Variants in THEMIS observed in about 807,000 individuals in gnomAD.
THEMIS encodes thymocyte selection associated.
THEMIS carries 37 observed loss-of-function variants against 52.6 expected under a neutral mutation model. That is an observed-to-expected ratio of 0.70 (90% CI 0.54 to 0.93). THEMIS has a LOEUF of 0.93. Ranked by LOEUF, THEMIS falls within the 40% of genes least tolerant of loss-of-function variation. THEMIS has a pLI of 0.00. For synonymous variants in THEMIS, 292 were observed against 272.7 expected (o/e 1.07, Z -0.70); for missense variants, 808 against 763.1 (o/e 1.06, Z -0.69).
At chr6:127,899,310 GAA>G (rs1370076433) in intron 1 of THEMIS, among the ~76,000 whole-genome samples, 1 of 151,740 alleles carries the variant, frequency 6.6e-6, no homozygotes, top group Admixed American at 6.6e-5. Context: ...AAAAAGGATT[GAA>G]AACAAGGGAT....
intron 2 of THEMIS, among the ~76,000 whole-genome samples, chr6:127,836,148 C>G (rs1345525356): frequency 2.0e-5 from 3 of 152,064 alleles, no homozygotes; most frequent in Non-Finnish European, 4.4e-5. Flanking sequence ...TACCCTCCCT[C>G]TATTTTAATG....
At chr6:127,897,728 A>G (rs1781012263) in intron 1 of THEMIS, among the ~76,000 whole-genome samples, 1 of 151,494 alleles carries the variant, frequency 6.6e-6, no homozygotes, top group Non-Finnish European at 1.5e-5. Flanking sequence ...CTTGCTTTTC[A>G]TTAGCTTCCA....
At chr6:127,722,461 C>T (rs1049717561) in intron 4 of THEMIS, among the ~76,000 whole-genome samples, 1 of 151,836 alleles carries the variant, frequency 6.6e-6, no homozygotes, top group African/African-American at 2.4e-5. Flanking sequence ...TCTCTCTTCC[C>T]TCTCCCCTTT....
chr6:127,820,755 T>C (rs574161135), intron 3 of THEMIS, among the ~76,000 whole-genome samples: 10 of 152,202 alleles, frequency 6.6e-5, no homozygotes, highest in South Asian at 6.2e-4. Context: ...AATTTTTATA[T>C]TACTCTCTCA....
At chr6:127,826,734 C>T (rs1181442802) in intron 3 of THEMIS, among the ~76,000 whole-genome samples, 1 of 152,076 alleles carries the variant, frequency 6.6e-6, no homozygotes, top group Admixed American at 6.5e-5. Context: ...TGAATTTTGT[C>T]TTCCTGAGAA....
At chr6:127,806,154 C>G (rs1777701601) in intron 4 of THEMIS, among the ~76,000 whole-genome samples, 1 of 152,072 alleles carries the variant, frequency 6.6e-6, no homozygotes. Context: ...TTATTGCTAT[C>G]ATTTCAAACA....
chr6:127,748,081 CAATGATGCTGAA>C (rs1431772261), intron 4 of THEMIS, among the ~76,000 whole-genome samples: 1 of 152,090 alleles, frequency 6.6e-6, no homozygotes, highest in Non-Finnish European at 1.5e-5. Context: ...TTGCAATTAG[CAATGATGCTGAA>C]GTGGAGCTAA....
chr6:127,880,496 T>C (rs1780448064), intron 1 of THEMIS, among the ~76,000 whole-genome samples: 1 of 151,522 alleles, frequency 6.6e-6, no homozygotes, highest in African/African-American at 2.4e-5. Context: ...CATGATTTGA[T>C]TTCAGGAGTC....
rs1471909131 is a variant in THEMIS at position 127,814,713 on chromosome 6, A to G, written c.710-782T>C. Reference sequence around the variant, plus strand: ...CATTGCCTCATGCGTCACTGGGGTTAATGGATATCTGTATTTTTTCCAATC... The same window carrying G: ...CATTGCCTCATGCGTCACTGGGGTTGATGGATATCTGTATTTTTTCCAATC... On this transcript the variant is annotated intron_variant, in intron 3 of 5. Transcript: ENST00000368248. 2.0e-5 allele frequency among the ~76,000 whole-genome samples: 3 copies of G among 152,086 alleles called. No individual in the cohort carries two copies. In the East Asian group the frequency reaches 5.8e-4, roughly 29 times the overall value.
At chr6:127,774,068 G>A (rs899187292) in intron 4 of THEMIS, among the ~76,000 whole-genome samples, 1 of 152,222 alleles carries the variant, frequency 6.6e-6, no homozygotes, top group African/African-American at 2.4e-5. Context: ...GAGTATCTCA[G>A]CTCAGCTGCT....
Position 127,861,161 on chromosome 6 carries a change from T to G in THEMIS, c.92-5973A>C, listed in dbSNP as rs916460269. On this transcript the variant is annotated intron_variant, in intron 1 of 5. Coordinates refer to ENST00000368248, the MANE Select transcript of THEMIS (RefSeq NM_001010923.3). ...TAATTTCATGTATAAACAATATTGC[T>G]TTGGGAGTTGGCTTATTGTTTTAGG... 5.3e-5 allele frequency among the ~76,000 whole-genome samples: 8 copies of G among 152,264 alleles called. No homozygotes were observed. In the East Asian group the frequency reaches 1.5e-3, roughly 29 times the overall value.
chr6:127,741,972 G>A (rs1427269911), intron 4 of THEMIS, among the ~76,000 whole-genome samples: 1 of 152,110 alleles, frequency 6.6e-6, no homozygotes, highest in Non-Finnish European at 1.5e-5. Flanking sequence ...AGGAGGATAT[G>A]AGCCATTGTG....
intron 4 of THEMIS, among the ~76,000 whole-genome samples, chr6:127,791,249 A>G (rs900097378): frequency 3.9e-5 from 6 of 152,160 alleles, no homozygotes; most frequent in African/African-American, 1.2e-4. Context: ...GGAGACCCAC[A>G]GTGGTTAGCT....
At chr6:127,874,063 T>G (rs1780238720) in intron 1 of THEMIS, among the ~76,000 whole-genome samples, 2 of 152,204 alleles carry the variant, frequency 1.3e-5, no homozygotes, top group African/African-American at 4.8e-5. Flanking sequence ...GTAGGTCTCA[T>G]GCTGTTTTCA....
intron 4 of THEMIS, among the ~76,000 whole-genome samples, chr6:127,763,194 A>G (rs2114397227): frequency 6.6e-6 from 1 of 152,116 alleles, no homozygotes; most frequent in Non-Finnish European, 1.5e-5. Flanking sequence ...TTTAGAAAGG[A>G]AAGGGAAAGC....
At chr6:127,871,820 A>G (rs139553380) in intron 1 of THEMIS, among the ~76,000 whole-genome samples, 1 of 152,274 alleles carries the variant, frequency 6.6e-6, no homozygotes, top group East Asian at 1.9e-4. Flanking sequence ...AAACTCCCAA[A>G]AAAGAAATCT....
At chr6:127,763,254 A>T (rs1362609793) in intron 4 of THEMIS, among the ~76,000 whole-genome samples, 1 of 152,016 alleles carries the variant, frequency 6.6e-6, no homozygotes, top group Admixed American at 6.6e-5. Context: ...TATGTGATTA[A>T]AATAGTCTTG....
At chr6:127,758,343 G>C (rs72965790) in intron 4 of THEMIS, among the ~76,000 whole-genome samples, 1 of 148,672 alleles carries the variant, frequency 6.7e-6, no homozygotes, top group Non-Finnish European at 1.5e-5. Context: ...GAGAAACATG[G>C]CTTAACTGGA....
At chr6:127,908,990 G>T (rs949387726) in intron 1 of THEMIS, among the ~76,000 whole-genome samples, 1 of 151,454 alleles carries the variant, frequency 6.6e-6, no homozygotes, top group African/African-American at 2.4e-5. Context: ...GTTGCCAATT[G>T]CTTACAAAAA....
Sources: gnomAD v4.1 joint callset for allele counts (sites outside exome capture counted in the v4.1 genomes callset) on GRCh38, gnomAD v4.1.1 for gene constraint, MANE v1.5 for transcripts, NCBI Gene and HGNC (gene_info 2026-07-23, HGNC 2026-07-21) for gene names.